Variants in ADGRB3 observed in about 807,000 individuals in gnomAD.
ADGRB3 encodes brain-specific angiogenesis inhibitor 3.
A neutral mutation model predicts 193.4 loss-of-function variants in ADGRB3; 37 were observed. The observed-to-expected ratio is 0.19, with a 90% CI of 0.15 to 0.25. The LOEUF (loss-of-function observed/expected upper bound fraction) is 0.25. ADGRB3 is among the 10% of genes least tolerant of loss of function. The probability of loss-of-function intolerance (pLI) is 1.00; values close to 1 mark genes in which losing one functional copy is unlikely to be tolerated. For missense variants in ADGRB3, 1,637 were observed against 1,852.9 expected (o/e 0.88, Z 2.14); for synonymous variants, 690 against 644.2 (o/e 1.07, Z -1.08).
chr6:69,020,784 G>T (rs1258019516), intron 13 of ADGRB3, among the ~76,000 whole-genome samples: 4 of 152,000 alleles, frequency 2.6e-5, no homozygotes, highest in African/African-American at 9.7e-5. Context: ...CTCAGGGACT[G>T]ACTGACACTG....
intron 26 of ADGRB3, among the ~76,000 whole-genome samples, chr6:69,349,398 G>T (rs1032359626): frequency 1.3e-5 from 2 of 152,152 alleles, no homozygotes; most frequent in African/African-American, 4.8e-5. Flanking sequence ...AAGTCATTGG[G>T]ACTGAAATTT....
chr6:68,719,151 G>A (rs938384669), intron 3 of ADGRB3, among the ~76,000 whole-genome samples: 3 of 151,674 alleles, frequency 2.0e-5, no homozygotes, highest in African/African-American at 2.4e-5. Flanking sequence ...TGCCAACAGG[G>A]TAAATATAAA....
rs1247322985 is a variant in ADGRB3 at position 68,661,504 on chromosome 6, TATATATGTGTGTATAC to T, written c.757+22079_757+22094del. On this transcript the variant is annotated intron_variant, in intron 3 of 31. Transcript: ENST00000370598. ...ATACATATATATATGTGTGTATACA[TATATATGTGTGTATAC>T]ATATATATATGTGTATACATATATA... is the stretch of plus-strand genomic sequence containing the variant. Among the ~76,000 whole-genome samples the T allele has an allele frequency of 9.4e-4, 86 of 91,768 alleles. 12 individuals are homozygous for T. The highest frequency in any genetic ancestry group is 3.7e-3 in the Admixed American group (31 of 8,390). 60.2% of individuals were successfully genotyped at this position (91,768 alleles called of 152,430 possible). A position where few individuals can be genotyped will look rare whatever the true frequency, so the allele number is the denominator to read the frequency against.
chr6:68,651,143 CT>C (rs1055032277), intron 3 of ADGRB3, among the ~76,000 whole-genome samples: 12 of 152,148 alleles, frequency 7.9e-5, no homozygotes, highest in Non-Finnish European at 1.8e-4. Flanking sequence ...GGTCAGCTTC[CT>C]TTACAGATAT....
intron 20 of ADGRB3, among the ~76,000 whole-genome samples, chr6:69,317,643 T>C (rs1184540556): frequency 6.6e-6 from 1 of 151,426 alleles, no homozygotes; most frequent in East Asian, 1.9e-4. Flanking sequence ...ACCCACGCCC[T>C]GCCCTGCCAC....
chr6:69,263,051 A>G (rs889179393), intron 20 of ADGRB3, among the ~76,000 whole-genome samples: 18 of 152,030 alleles, frequency 1.2e-4, no homozygotes, highest in Non-Finnish European at 2.4e-4. Flanking sequence ...TGAAAAGTAA[A>G]GGTCAAAATT....
At chr6:69,239,291 A>G (rs893911675) in intron 20 of ADGRB3, 65 bp downstream of exon 20, 12 of 1,120,538 alleles carry the variant, frequency 1.1e-5, no homozygotes, top group South Asian at 1.5e-5. Flanking sequence ...TTAGTTATTG[A>G]TAATCTAAAC....
At chr6:68,900,048 A>T (rs968455970) in intron 3 of ADGRB3, among the ~76,000 whole-genome samples, 3 of 152,130 alleles carry the variant, frequency 2.0e-5, no homozygotes, top group African/African-American at 7.2e-5. Flanking sequence ...GACATTAAAG[A>T]CACTGTCTTG....
At chr6:68,770,785 T>C (rs1449016370) in intron 3 of ADGRB3, among the ~76,000 whole-genome samples, 1 of 152,144 alleles carries the variant, frequency 6.6e-6, no homozygotes, top group Non-Finnish European at 1.5e-5. Context: ...TTGTGATCCC[T>C]GAGAATTGGC....
chr6:68,811,065 T>G (rs566522058), intron 3 of ADGRB3, among the ~76,000 whole-genome samples: 126 of 152,170 alleles, frequency 8.3e-4, no homozygotes, highest in African/African-American at 3.0e-3. Flanking sequence ...ACCCTATGGT[T>G]TTATGAGGAG....
At chr6:68,715,304 CCTG>C (rs1465806674) in intron 3 of ADGRB3, among the ~76,000 whole-genome samples, 1 of 151,366 alleles carries the variant, frequency 6.6e-6, no homozygotes, top group African/African-American at 2.4e-5. Context: ...TTATTTTTAT[CCTG>C]CTTCTGTCTG....
intron 17 of ADGRB3, among the ~76,000 whole-genome samples, chr6:69,079,328 A>AT (rs1462559268): frequency 1.3e-5 from 2 of 152,186 alleles, no homozygotes; most frequent in African/African-American, 4.8e-5. Flanking sequence ...ATCGGAGAAT[A>AT]TTTTTTATTC....
At chr6:68,990,357 G>A (rs1769200867) in intron 10 of ADGRB3, among the ~76,000 whole-genome samples, 1 of 152,070 alleles carries the variant, frequency 6.6e-6, no homozygotes, top group African/African-American at 2.4e-5. Flanking sequence ...ACAACGAATA[G>A]TCTCACCAGT....
intron 13 of ADGRB3, among the ~76,000 whole-genome samples, chr6:69,045,868 A>G (rs1771222100): frequency 6.6e-6 from 1 of 152,098 alleles, no homozygotes; most frequent in Non-Finnish European, 1.5e-5. Context: ...TAAATTAGTG[A>G]CCCTAATTGA....
chr6:68,982,712 G>A lies in ADGRB3; in HGVS notation c.1734+7372G>A, dbSNP rs142803111. Among the ~76,000 whole-genome samples, 96 of 152,062 alleles carry A rather than the reference G, an allele frequency of 6.3e-4. 1 individual carries two copies. Among genetic ancestry groups the A allele is most frequent in the African/African-American group, 2.2e-3 (92 of 41,484 alleles). On this transcript the variant is annotated intron_variant, in intron 10 of 31. Transcript: ENST00000370598. ...CCTATCTCCTCAGCTTTTTACACAG[G>A]GCAGAAGCTCAGCAAATGTTTCACG...
chr6:69,154,009 A>C (rs1191901291), intron 17 of ADGRB3, among the ~76,000 whole-genome samples: 1 of 152,114 alleles, frequency 6.6e-6, no homozygotes, highest in Non-Finnish European at 1.5e-5. Flanking sequence ...AAAGAAACAT[A>C]AGAATAAAAG....
At chr6:68,712,528 T>A (rs1765422912) in intron 3 of ADGRB3, among the ~76,000 whole-genome samples, 2 of 151,738 alleles carry the variant, frequency 1.3e-5, no homozygotes, top group South Asian at 4.1e-4. Flanking sequence ...AAATAATGTA[T>A]GAGTAAAGTC....
intron 3 of ADGRB3, among the ~76,000 whole-genome samples, chr6:68,641,336 T>C (rs1768078529): frequency 6.6e-6 from 1 of 152,104 alleles, no homozygotes; most frequent in Non-Finnish European, 1.5e-5. Flanking sequence ...GTTAAGATAA[T>C]GCTGGGATTT....
intron 3 of ADGRB3, among the ~76,000 whole-genome samples, chr6:68,753,455 C>A (rs1766240416): frequency 6.6e-6 from 1 of 152,154 alleles, no homozygotes; most frequent in Non-Finnish European, 1.5e-5. Flanking sequence ...GTCTCTCTGG[C>A]AAAGGATGCC....
Sources: gnomAD v4.1 joint callset for allele counts (sites outside exome capture counted in the v4.1 genomes callset) on GRCh38, gnomAD v4.1.1 for gene constraint, MANE v1.5 for transcripts, NCBI Gene and HGNC (gene_info 2026-07-23, HGNC 2026-07-21) for gene names.